SPATA17: variants seen among roughly 807,000 people sequenced by gnomAD.
SPATA17 encodes the protein spermatogenesis associated 17.
A neutral mutation model predicts 62.2 loss-of-function variants in SPATA17; 53 were observed. The observed-to-expected ratio is 0.85, with a 90% CI of 0.68 to 1.07. The LOEUF is 1.07. SPATA17 is among the 50% of genes least tolerant of loss of function. The pLI is 0.00. For synonymous variants in SPATA17, 146 were observed against 146.8 expected, an observed-to-expected ratio of 0.99 and a Z score of 0.04; for missense variants, 466 against 425.5, an observed-to-expected ratio of 1.10 and a Z score of -0.84.
intron 4 of SPATA17, among the ~76,000 whole-genome samples, chr1:217,682,381 C>T (rs1379082596): frequency 6.6e-6 from 1 of 151,486 alleles, no homozygotes; most frequent in Non-Finnish European, 1.5e-5. Context: ...AAAAAAACAC[C>T]CTACTTTGAT....
At chr1:217,801,636 T>C in intron 8 of SPATA17, 82 bp from the exon 9 acceptor site, 1 of 1,179,834 alleles carries the variant, frequency 8.5e-7, no homozygotes, top group Non-Finnish European at 1.2e-6. Context: ...CACTGTACTA[T>C]AGTACTTCTA....
intron 9 of SPATA17, among the ~76,000 whole-genome samples, chr1:217,832,465 A>T (rs767278118): frequency 2.6e-5 from 4 of 152,152 alleles, no homozygotes; most frequent in Non-Finnish European, 5.9e-5. Flanking sequence ...AATGGATCTG[A>T]AGTTACATTA....
At chr1:217,719,096 A>G (rs1672068079) in intron 5 of SPATA17, among the ~76,000 whole-genome samples, 1 of 152,214 alleles carries the variant, frequency 6.6e-6, no homozygotes, top group Non-Finnish European at 1.5e-5. Flanking sequence ...CTGAACTTGG[A>G]CCAATAGGCC....
Position 217,666,526 on chromosome 1 carries a change from GT to G in SPATA17, c.241-2496del, listed in dbSNP as rs56066765. On this transcript the variant is annotated intron_variant, in intron 3 of 10. Coordinates refer to ENST00000366933, the MANE Select transcript of SPATA17 (RefSeq NM_138796.4). ...GGAAATGCGGTTCACATTTACATGT[GT>G]TTTTTTTTTTAGTTTTTAAAAAAAT... is the stretch of plus-strand genomic sequence containing the variant. Among the ~76,000 whole-genome samples, 1,144 of 145,406 alleles carry G rather than the reference GT, an allele frequency of 7.9e-3. 17 individuals are homozygous for G. The highest frequency in any genetic ancestry group is 0.026 in the African/African-American group (1,045 of 39,974).
chr1:217,649,210 G>A (rs562751548), intron 2 of SPATA17, among the ~76,000 whole-genome samples: 2 of 152,176 alleles, frequency 1.3e-5, no homozygotes, highest in African/African-American at 4.8e-5. Context: ...TGGGCGCAGT[G>A]GCTCACTCCT....
intron 5 of SPATA17, among the ~76,000 whole-genome samples, chr1:217,734,494 C>A (rs1672466554): frequency 6.6e-6 from 1 of 152,150 alleles, no homozygotes; most frequent in African/African-American, 2.4e-5. Context: ...TGTGCCACCA[C>A]ACCCATGACT....
At chr1:217,722,807 T>C (rs1245947163) in intron 5 of SPATA17, among the ~76,000 whole-genome samples, 1 of 152,178 alleles carries the variant, frequency 6.6e-6, no homozygotes, top group East Asian at 1.9e-4. Context: ...ACTATCTCCA[T>C]TGATCTTTGG....
rs575551431 is a variant in SPATA17, at chr1:217,673,439, T to A, written c.291+4356T>A. Among the ~76,000 whole-genome samples, 8 of 152,296 alleles carry A rather than the reference T, an allele frequency of 5.3e-5. No individual in the cohort carries two copies. In the South Asian group the frequency reaches 1.7e-3, roughly 32 times the overall value. On this transcript the variant is annotated intron_variant, in intron 4 of 10. Transcript: ENST00000366933. Reference sequence around the variant, plus strand: ...TGTTTCTCTGTGACACTTTATTTCCTTTTTAGTCTTCAATTTGACTTTACT... The same window carrying A: ...TGTTTCTCTGTGACACTTTATTTCCATTTTAGTCTTCAATTTGACTTTACT...
intron 8 of SPATA17, among the ~76,000 whole-genome samples, chr1:217,786,424 T>C (rs1026946653): frequency 1.3e-5 from 2 of 152,058 alleles, no homozygotes; most frequent in Non-Finnish European, 2.9e-5. Flanking sequence ...AGGCTGATGA[T>C]GTGAAAAGGA....
Position 217,632,860 on chromosome 1 carries a change from C to T in SPATA17, c.68+1414C>T, listed in dbSNP as rs373907224. On this transcript the variant is annotated intron_variant, in intron 1 of 10. Coordinates refer to ENST00000366933, the MANE Select transcript of SPATA17 (RefSeq NM_138796.4). ...TATAAATGAAATAAGCCCCATCCATCATGATGTTCACATCCTTGTATGGAA... is the reference window on the plus strand; with the variant it reads ...TATAAATGAAATAAGCCCCATCCATTATGATGTTCACATCCTTGTATGGAA... Among the ~76,000 whole-genome samples the T allele has an allele frequency of 2.0e-5, 3 of 152,326 alleles. No homozygotes were observed. The East Asian group carries it at 5.8e-4, about 29-fold the overall frequency.
At chr1:217,835,356 G>GA (rs1675236640) in intron 9 of SPATA17, among the ~76,000 whole-genome samples, 3 of 152,074 alleles carry the variant, frequency 2.0e-5, no homozygotes, top group Admixed American at 2.0e-4. Flanking sequence ...AATTTCAATA[G>GA]GATGTTCAGA....
At chr1:217,721,368 G>A (rs777950257) in intron 5 of SPATA17, among the ~76,000 whole-genome samples, 1 of 152,238 alleles carries the variant, frequency 6.6e-6, no homozygotes, top group Middle Eastern at 3.4e-3. Flanking sequence ...AGGTAACAGT[G>A]GCTGGTGTCT....
At chr1:217,683,069 T>A (rs1356706384) in intron 4 of SPATA17, among the ~76,000 whole-genome samples, 189 bp from the exon 5 acceptor site, 2 of 151,914 alleles carry the variant, frequency 1.3e-5, no homozygotes, top group African/African-American at 4.8e-5. Flanking sequence ...TGTTTATTTT[T>A]ATAATATTTC....
chr1:217,772,466 T>C (rs1000717570), intron 6 of SPATA17, among the ~76,000 whole-genome samples: 12 of 152,084 alleles, frequency 7.9e-5, no homozygotes, highest in Non-Finnish European at 1.8e-4. Flanking sequence ...AATAGAAAAA[T>C]TTGAGTTGGA....
chr1:217,672,319 AAAAG>A (rs1267522286), intron 4 of SPATA17, among the ~76,000 whole-genome samples: 1 of 152,226 alleles, frequency 6.6e-6, no homozygotes, highest in African/African-American at 2.4e-5. Flanking sequence ...GCGAGTGTTC[AAAAG>A]AAAGAATCTC....
At chr1:217,866,136 A>G (rs1259509459) in intron 10 of SPATA17, among the ~76,000 whole-genome samples, 6 of 152,196 alleles carry the variant, frequency 3.9e-5, no homozygotes, top group Non-Finnish European at 2.9e-5. Flanking sequence ...CATATAAGTT[A>G]TATGTGTGCC....
At chr1:217,705,116 T>C (rs1671702136) in intron 5 of SPATA17, among the ~76,000 whole-genome samples, 1 of 152,224 alleles carries the variant, frequency 6.6e-6, no homozygotes. Context: ...TGAGATAGTA[T>C]CTAATTGTGG....
intron 6 of SPATA17, among the ~76,000 whole-genome samples, chr1:217,754,348 T>A (rs1313641300): frequency 6.6e-6 from 1 of 152,226 alleles, no homozygotes; most frequent in Non-Finnish European, 1.5e-5. Flanking sequence ...GTGGTTCCTT[T>A]TTTAATCACT....
At chr1:217,689,907 CT>C (rs774941353) in intron 5 of SPATA17, among the ~76,000 whole-genome samples, 293 of 143,844 alleles carry the variant, frequency 2.0e-3, no homozygotes, top group Non-Finnish European at 2.1e-3. Flanking sequence ...TTTTCTTTTT[CT>C]TTTTTTTTTT....
Sources: gnomAD v4.1 joint callset for allele counts (sites outside exome capture counted in the v4.1 genomes callset) on GRCh38, gnomAD v4.1.1 for gene constraint, MANE v1.5 for transcripts, NCBI Gene and HGNC (gene_info 2026-07-23, HGNC 2026-07-21) for gene names.